Variants in DNAI1 observed in about 807,000 individuals in gnomAD.
DNAI1 encodes the protein dynein axonemal intermediate chain 1, also known as dynein, axonemal, intermediate polypeptide 1.
A neutral mutation model predicts 92.0 loss-of-function variants in DNAI1; 67 were observed. The observed-to-expected ratio is 0.73, with a 90% CI of 0.60 to 0.89. The LOEUF (loss-of-function observed/expected upper bound fraction) is 0.89. Among genes scored for constraint, DNAI1 ranks in the 40% least tolerant of loss-of-function variants. The probability of loss-of-function intolerance (pLI) is 0.00; values close to 1 mark genes in which losing one functional copy is unlikely to be tolerated. For missense variants in DNAI1, 839 were observed against 866.6 expected (o/e 0.97, Z 0.40); for synonymous variants, 323 against 319.6 (o/e 1.01, Z -0.11).
chr9:34,485,495 A>G lies in DNAI1; in HGVS notation c.239A>G (p.Asn80Ser). The G allele has an allele frequency of 6.2e-7, 1 of 1,614,152 alleles. No individual in the cohort carries two copies. Residue 80 changes from asparagine to serine, a missense_variant, in exon 4 of 20, where the codon AAC becomes AGC. Asn to Ser is a conservative substitution (Grantham distance 46). Transcript: ENST00000242317. ...GCCAACAACCCACACGCACCCCAGAACATTGTCAGGTACAGCTTCAAAGTA... is the reference window on the plus strand; with the variant it reads ...GCCAACAACCCACACGCACCCCAGAGCATTGTCAGGTACAGCTTCAAAGTA... ...LTANNPHAPQ[N>S]IVRYSFKEGT...
At chr9:34,489,870 C>T in intron 5 of DNAI1, 142 bp from the exon 6 acceptor site, 1 of 1,282,166 alleles carries the variant, frequency 7.8e-7, no homozygotes, top group South Asian at 1.4e-5. Flanking sequence ...AGCCCAATAG[C>T]TGGTTGTCCT....
chr9:34,459,448 T>C (rs1823899228), intron 1 of DNAI1, among the ~76,000 whole-genome samples: 2 of 149,142 alleles, frequency 1.3e-5, no homozygotes, highest in South Asian at 4.2e-4. Flanking sequence ...CTTTCTTTCT[T>C]TCTTTTTTTT....
chr9:34,519,585 G>A (rs983333453), intron 19 of DNAI1, among the ~76,000 whole-genome samples: 1 of 152,152 alleles, frequency 6.6e-6, no homozygotes, highest in Non-Finnish European at 1.5e-5. Flanking sequence ...GCTGCAAGCG[G>A]ATAGGGGAGA....
At chr9:34,516,074 C>T (rs773616548) in intron 18 of DNAI1, among the ~76,000 whole-genome samples, 19 of 152,134 alleles carry the variant, frequency 1.2e-4, no homozygotes, top group East Asian at 1.9e-4. Flanking sequence ...AGAGGTGACA[C>T]GCACGCTGAG....
chr9:34,474,567 C>CTT lies in DNAI1; in HGVS notation c.49-8863_49-8862dup, dbSNP rs55701117. Among the ~76,000 whole-genome samples, 433 of 107,826 alleles carry CTT rather than the reference C, an allele frequency of 4.0e-3. 2 individuals carry two copies. Among genetic ancestry groups the CTT allele is most frequent in the Non-Finnish European group, 6.1e-3 (313 of 51,186 alleles). The allele number at this position is 107,826 out of a possible 152,430, so 70.7% of individuals were successfully genotyped here. ...TGTGACTATTTCTTTTTTTTTTTTC[C>CTT]TTTTTTTTTTTTTTTTTTTGAGACA... On this transcript the variant is annotated intron_variant, in intron 1 of 19. Transcript: ENST00000242317.
intron 1 of DNAI1, among the ~76,000 whole-genome samples, chr9:34,468,107 T>C (rs1325995590): frequency 1.3e-5 from 2 of 151,810 alleles, no homozygotes; most frequent in Non-Finnish European, 2.9e-5. Flanking sequence ...AAATAAAAAA[T>C]TCGTTGGATA....
intron 8 of DNAI1, among the ~76,000 whole-genome samples, chr9:34,492,493 G>GATATAGATATATATATAT (rs1824623541): frequency 1.2e-4 from 8 of 68,258 alleles, no homozygotes; most frequent in Non-Finnish European, 1.5e-4. Flanking sequence ...GGGATATGAA[G>GATATAGATATATATATAT]ATATATATAT....
At chr9:34,506,970 G>T (rs965150753) in intron 13 of DNAI1, 96 bp downstream of exon 13, 17 of 1,526,938 alleles carry the variant, frequency 1.1e-5, no homozygotes, top group Non-Finnish European at 1.2e-5. Context: ...AGGACCACAG[G>T]CAAGGAGATG....
At chr9:34,501,041 G>A in intron 11 of DNAI1, 97 bp from the exon 12 acceptor site, 1 of 1,099,018 alleles carries the variant, frequency 9.1e-7, no homozygotes, top group Non-Finnish European at 1.4e-6. Flanking sequence ...ACAGATGTCT[G>A]TAGTATATTT....
intron 9 of DNAI1, among the ~76,000 whole-genome samples, chr9:34,496,264 G>A (rs911955253): frequency 6.6e-6 from 1 of 152,192 alleles, no homozygotes; most frequent in African/African-American, 2.4e-5. Flanking sequence ...CCTTTTAACC[G>A]CTACCTGACG....
chr9:34,489,599 C>A (rs1824540339), intron 5 of DNAI1, 150 bp downstream of exon 5: 4 of 983,878 alleles, frequency 4.1e-6, no homozygotes, highest in Non-Finnish European at 6.2e-6. Flanking sequence ...CCTATAATCC[C>A]AGCACTTTGG....
rs2132066376 is a variant in DNAI1 at position 34,494,249 on chromosome 9, G to A, written c.816+921G>A. ...GTGCTGCTTCCTATGCCTGAGATGT[G>A]TCCACTCTCGCTTAATTCTGTTTCA... On this transcript the variant is annotated intron_variant, in intron 9 of 19. Transcript: ENST00000242317. Among the ~76,000 whole-genome samples the A allele has an allele frequency of 1.3e-5, 2 of 152,242 alleles. 1 individual carries two copies. Among genetic ancestry groups the A allele is most frequent in the South Asian group, 4.2e-4 (2 of 4,816 alleles).
Position 34,508,587 on chromosome 9 carries a change from G to A in DNAI1, c.1311+1713G>A, listed in dbSNP as rs186540183. On this transcript the variant is annotated intron_variant, in intron 13 of 19. Transcript: ENST00000242317. ...TCATACCTGGCCCAGCCCTGCCCCT[G>A]CTTTCCCAGCTCAGATAGCCCAGGG... Among the ~76,000 whole-genome samples, 83 of 152,272 alleles carry A rather than the reference G, an allele frequency of 5.5e-4. 1 individual carries two copies. The highest frequency in any genetic ancestry group is 4.6e-3 in the Admixed American group (71 of 15,292).
chr9:34,491,269 C>T (rs565095767), intron 7 of DNAI1: 24 of 610,330 alleles, frequency 3.9e-5, no homozygotes, highest in Non-Finnish European at 6.2e-5. Flanking sequence ...GCTTCCCTGC[C>T]CCTGCTTTCT....
chr9:34,513,635 TC>T (rs1478205599), intron 16 of DNAI1, among the ~76,000 whole-genome samples: 1 of 152,174 alleles, frequency 6.6e-6, no homozygotes, highest in Non-Finnish European at 1.5e-5. Context: ...TAGGTGAACG[TC>T]CTTCTGAACT....
chr9:34,493,695 A>G (rs1824659714), intron 9 of DNAI1, among the ~76,000 whole-genome samples: 1 of 152,182 alleles, frequency 6.6e-6, no homozygotes, highest in South Asian at 2.1e-4. Context: ...GCAACGGCTT[A>G]TAGGATCTGG....
Position 34,489,456 on chromosome 9 carries a change from C to T in DNAI1, c.388+7C>T, listed in dbSNP as rs2132061227. On this transcript the variant is annotated splice_region_variant and intron_variant, in intron 5 of 19. Coordinates refer to ENST00000242317, the MANE Select transcript of DNAI1 (RefSeq NM_012144.4). ...CGCGATGAATTAGTGGCAGGTAGGA[C>T]TCTGGGCCATCCTGAAGCTACAGCC... 1 of 1,613,034 alleles carries T rather than the reference C, an allele frequency of 6.2e-7. No homozygotes were observed. Among genetic ancestry groups the T allele is most frequent in the South Asian group, 1.1e-5 (1 of 91,034 alleles).
At chr9:34,512,313 A>G in intron 14 of DNAI1, 24 bp from the exon 15 acceptor site, 1 of 1,613,418 alleles carries the variant, frequency 6.2e-7, no homozygotes, top group Non-Finnish European at 8.5e-7. Context: ...CCTCCCCCCC[A>G]CATCCCTCTG....
chr9:34,479,720 A>G (rs558068122), intron 1 of DNAI1, among the ~76,000 whole-genome samples: 2 of 152,190 alleles, frequency 1.3e-5, no homozygotes, highest in African/African-American at 4.8e-5. Flanking sequence ...AGGCTCTCCA[A>G]AGGAAAGTAG....
Sources: gnomAD v4.1 joint callset for allele counts (sites outside exome capture counted in the v4.1 genomes callset) on GRCh38, gnomAD v4.1.1 for gene constraint, MANE v1.5 for transcripts, NCBI Gene and HGNC (gene_info 2026-07-23, HGNC 2026-07-21) for gene names.